LAMA2: variants seen among roughly 807,000 people sequenced by gnomAD.
LAMA2 encodes laminin subunit alpha 2.
Under a neutral mutation model 364.8 loss-of-function variants are expected in LAMA2, and 269 were observed. The ratio of observed to expected loss-of-function variants is 0.74; its 90% CI spans 0.67 to 0.82. LAMA2 has a LOEUF of 0.82. Among genes scored for constraint, LAMA2 ranks in the 40% least tolerant of loss-of-function variants. LAMA2 has a pLI of 0.00. For missense variants in LAMA2, 3,807 were observed against 3,873.2 expected, an observed-to-expected ratio of 0.98 and a Z score of 0.45; for synonymous variants, 1,379 against 1,370.6, an observed-to-expected ratio of 1.01 and a Z score of -0.14.
chr6:128,902,953 T>C (rs773454108), intron 1 of LAMA2, among the ~76,000 whole-genome samples: 13 of 152,344 alleles, frequency 8.5e-5, no homozygotes, highest in Non-Finnish European at 1.9e-4. Context: ...AACTCATTTT[T>C]GCATTCTATT....
intron 1 of LAMA2, among the ~76,000 whole-genome samples, chr6:128,969,370 T>C (rs970959095): frequency 2.0e-5 from 3 of 152,208 alleles, no homozygotes; most frequent in Non-Finnish European, 4.4e-5. Context: ...AGATTTTAGC[T>C]GTTAATATTA....
At position 129,274,025 on chromosome 6, in the gene LAMA2, G is replaced by A. The variant is rs186502062; in HGVS notation, c.2450+3274G>A. ...GAATAGCAATTTATTTTAAATTCCA[G>A]CTTTCAATGTGGTATTTTAACAAGT... On this transcript the variant is annotated intron_variant, in intron 17 of 64. Coordinates refer to ENST00000421865, the MANE Select transcript of LAMA2 (RefSeq NM_000426.4). Among the ~76,000 whole-genome samples the A allele has an allele frequency of 5.2e-3, 784 of 151,890 alleles. 4 individuals are homozygous for A. Among genetic ancestry groups the A allele is most frequent in the Middle Eastern group, 0.014 (4 of 294 alleles).
At chr6:129,169,192 C>T (rs2114999717) in intron 9 of LAMA2, among the ~76,000 whole-genome samples, 1 of 150,050 alleles carries the variant, frequency 6.7e-6, no homozygotes, top group East Asian at 1.9e-4. Flanking sequence ...GAACTTCCAA[C>T]ACTATGTTGA....
intron 1 of LAMA2, among the ~76,000 whole-genome samples, chr6:128,916,233 C>T (rs1778307979): frequency 6.6e-6 from 1 of 151,830 alleles, no homozygotes; most frequent in Non-Finnish European, 1.5e-5. Context: ...AAAACAAAAA[C>T]AAAAAAACTA....
chr6:129,511,422 T>C (rs947984676), intron 62 of LAMA2, among the ~76,000 whole-genome samples: 2 of 152,178 alleles, frequency 1.3e-5, no homozygotes, highest in South Asian at 2.1e-4. Context: ...GGTGTCACTA[T>C]GTTGCCCAGG....
intron 12 of LAMA2, among the ~76,000 whole-genome samples, chr6:129,237,034 T>C (rs1785042526): frequency 6.6e-6 from 1 of 152,206 alleles, no homozygotes; most frequent in African/African-American, 2.4e-5. Context: ...CCACCTGCCA[T>C]CTTTGTAACC....
intron 40 of LAMA2, among the ~76,000 whole-genome samples, chr6:129,407,344 AT>A (rs1332653952): frequency 6.6e-6 from 1 of 152,200 alleles, no homozygotes; most frequent in African/African-American, 2.4e-5. Flanking sequence ...AAAGACAATA[AT>A]AACATCATAA....
intron 14 of LAMA2, among the ~76,000 whole-genome samples, chr6:129,255,430 A>T (rs1482903236): frequency 6.7e-6 from 1 of 149,810 alleles, no homozygotes; most frequent in Non-Finnish European, 1.5e-5. Flanking sequence ...AAAAAAAAAA[A>T]AAAAAGCCTG....
intron 1 of LAMA2, among the ~76,000 whole-genome samples, chr6:128,980,301 T>C (rs1171384639): frequency 1.3e-5 from 2 of 152,222 alleles, no homozygotes; most frequent in Admixed American, 6.5e-5. Context: ...TGTCAACTTT[T>C]TGCACTATAT....
intron 1 of LAMA2, among the ~76,000 whole-genome samples, chr6:129,012,227 C>T (rs889000161): frequency 6.6e-6 from 1 of 152,130 alleles, no homozygotes; most frequent in Non-Finnish European, 1.5e-5. Context: ...ATATTTTGTA[C>T]TTACCTGAAT....
chr6:129,254,217 A>C (rs953502773), intron 14 of LAMA2, among the ~76,000 whole-genome samples: 2 of 152,208 alleles, frequency 1.3e-5, no homozygotes, highest in Non-Finnish European at 2.9e-5. Context: ...CTTCCATGGC[A>C]GTTCTTTCAG....
At chr6:128,993,912 C>T (rs1300676427) in intron 1 of LAMA2, among the ~76,000 whole-genome samples, 1 of 152,096 alleles carries the variant, frequency 6.6e-6, no homozygotes, top group Admixed American at 6.5e-5. Flanking sequence ...TTGAACAATA[C>T]ATTATAATGT....
chr6:129,142,156 A>G (rs1157857359), intron 4 of LAMA2, among the ~76,000 whole-genome samples: 1 of 152,012 alleles, frequency 6.6e-6, no homozygotes, highest in African/African-American at 2.4e-5. Context: ...GATGTGACCA[A>G]AAAAGATTAT....
chr6:129,476,221 A>G (rs1051092906), intron 53 of LAMA2, among the ~76,000 whole-genome samples: 1 of 152,212 alleles, frequency 6.6e-6, no homozygotes, highest in African/African-American at 2.4e-5. Context: ...TGGAAAGAAG[A>G]TAATAAAGCC....
At chr6:129,073,172 G>T (rs758353881) in intron 3 of LAMA2, among the ~76,000 whole-genome samples, 5 of 151,584 alleles carry the variant, frequency 3.3e-5, no homozygotes, top group Non-Finnish European at 5.9e-5. Flanking sequence ...TTTTTTTCCA[G>T]CACTCTAAAT....
At chr6:128,985,010 C>T (rs1783130162) in intron 1 of LAMA2, among the ~76,000 whole-genome samples, 1 of 152,142 alleles carries the variant, frequency 6.6e-6, no homozygotes, top group Non-Finnish European at 1.5e-5. Flanking sequence ...TTTTATTATA[C>T]AAAGACTGTA....
At chr6:128,964,639 G>A (rs1452049245) in intron 1 of LAMA2, among the ~76,000 whole-genome samples, 2 of 152,004 alleles carry the variant, frequency 1.3e-5, no homozygotes, top group Admixed American at 6.6e-5. Context: ...CCTAAATGTT[G>A]TTTCCTTCAA....
chr6:129,113,447 T>C (rs1776279326), intron 4 of LAMA2, among the ~76,000 whole-genome samples: 1 of 152,004 alleles, frequency 6.6e-6, no homozygotes, highest in Non-Finnish European at 1.5e-5. Flanking sequence ...CATCTGAGAA[T>C]TGATGGAATC....
chr6:129,316,058 G>A lies in LAMA2; in HGVS notation c.3945G>A (p.Gly1315=). ...AACAGAAAGAATGGAAATATTATGG[G>A]GATGATCCTCGAGTCCATAGAACTG... ...EMTEKEWKYY[G]DDPRVHRTVT... Residue 1315 remains glycine (G), a synonymous_variant, in exon 27 of 65, where the codon GGG becomes GGA. Coordinates refer to ENST00000421865, the MANE Select transcript of LAMA2 (RefSeq NM_000426.4). 4 of 1,613,788 alleles carry A rather than the reference G, an allele frequency of 2.5e-6. No individual in the cohort carries two copies. Among genetic ancestry groups the A allele is most frequent in the Non-Finnish European group, 3.4e-6 (4 of 1,179,810 alleles).
Sources: gnomAD v4.1 joint callset for allele counts (sites outside exome capture counted in the v4.1 genomes callset) on GRCh38, gnomAD v4.1.1 for gene constraint, MANE v1.5 for transcripts, NCBI Gene and HGNC (gene_info 2026-07-23, HGNC 2026-07-21) for gene names.